NLGN1: variants seen among roughly 807,000 people sequenced by gnomAD.
NLGN1 encodes neuroligin 1.
Under a neutral mutation model 65.5 loss-of-function variants are expected in NLGN1, and 12 were observed. That is an observed-to-expected ratio of 0.18 (90% CI 0.12 to 0.30). NLGN1 has a LOEUF of 0.30. Ranked by LOEUF, NLGN1 falls within the 10% of genes least tolerant of loss-of-function variation. The pLI is 1.00. For missense variants in NLGN1, 750 were observed against 1,007.1 expected (o/e 0.74, Z 3.46); for synonymous variants, 350 against 359.5 (o/e 0.97, Z 0.30).
intron 4 of NLGN1, among the ~76,000 whole-genome samples, chr3:173,944,124 G>GTGT (rs34721217): frequency 1.4e-5 from 2 of 139,512 alleles, no homozygotes; most frequent in African/African-American, 2.7e-5. Context: ...TAATATTATG[G>GTGT]GTGTGTGTGT....
At chr3:174,062,883 T>C (rs1737716008) in intron 4 of NLGN1, among the ~76,000 whole-genome samples, 1 of 152,114 alleles carries the variant, frequency 6.6e-6, no homozygotes, top group African/African-American at 2.4e-5. Context: ...ATATTACATT[T>C]ATTATTTTCT....
At position 173,992,294 on chromosome 3, in the gene NLGN1, C is replaced by A. The variant is rs1721281317; in HGVS notation, c.646+184462C>A. 2.0e-5 allele frequency among the ~76,000 whole-genome samples: 3 copies of A among 152,050 alleles called. No individual in the cohort carries two copies. The South Asian group carries it at 6.2e-4, about 32-fold the overall frequency. On this transcript the variant is annotated intron_variant, in intron 4 of 6. Coordinates refer to ENST00000457714, the Ensembl canonical transcript of NLGN1. ...TTTACTTTATTTCATTTTTCAAAATCTGGTAGTGATCCACTAAAATGTGTC... is the reference window on the plus strand; with the variant it reads ...TTTACTTTATTTCATTTTTCAAAATATGGTAGTGATCCACTAAAATGTGTC...
In NLGN1 at chr3:174,280,420, G is replaced by A. The variant is rs1577794815; in HGVS notation, c.1650-61G>A. On this transcript the variant is annotated intron_variant, in intron 6 of 6. Coordinates refer to ENST00000457714, the Ensembl canonical transcript of NLGN1. This position sits in a 1 kb window ranked among gnomAD's most constrained non-coding sequence, Gnocchi z 4.9. The stretch of plus-strand genomic sequence containing the variant: ...TATTTAATTATTAGATGTTAAAGTA[G>A]TGTGATTTTAAGTAAAAAATAAAAT... 2 of 1,119,216 alleles carry A rather than the reference G, an allele frequency of 1.8e-6. No homozygotes were observed. Among genetic ancestry groups the A allele is most frequent in the Non-Finnish European group, 2.6e-6 (2 of 781,036 alleles). The allele number at this position is 1,119,216 out of a possible 1,614,324, so 69.3% of individuals were successfully genotyped here.
chr3:173,519,152 T>C (rs1206263860), intron 2 of NLGN1, among the ~76,000 whole-genome samples: 3 of 152,198 alleles, frequency 2.0e-5, no homozygotes, highest in Non-Finnish European at 4.4e-5. Context: ...CAGAGTCCAA[T>C]AGTTGAGTCT....
chr3:173,945,855 T>C (rs919831478), intron 4 of NLGN1, among the ~76,000 whole-genome samples: 1 of 152,192 alleles, frequency 6.6e-6, no homozygotes, highest in African/African-American at 2.4e-5. Context: ...GTTGCATTTG[T>C]AAAGAAAGGA....
rs1381690208 is a variant in NLGN1 at position 174,279,168 on chromosome 3, A to G, written c.1167A>G (p.Gln389=). The change falls in exon 6 of 7, where the codon CAA becomes CAG. Residue 389 remains glutamine, a synonymous_variant. Transcript: ENST00000457714. This position sits in a 1 kb window ranked among gnomAD's most constrained non-coding sequence, Gnocchi z 4.7. ...ATGATATAATGTTAGGAGTGAACCA[A>G]GGGGAAGGGTTAAAATTTGTTGAAA... is the stretch of plus-strand genomic sequence containing the variant. 6.2e-7 allele frequency: 1 copy of G among 1,613,262 alleles called. No homozygotes were observed. Among genetic ancestry groups the G allele is most frequent in the African/African-American group, 1.3e-5 (1 of 74,844 alleles).
At chr3:173,589,354 C>T (rs1748048397) in intron 2 of NLGN1, among the ~76,000 whole-genome samples, 1 of 152,102 alleles carries the variant, frequency 6.6e-6, no homozygotes, top group African/African-American at 2.4e-5. Flanking sequence ...ATTAGAGCTA[C>T]CTGCTGAGGC....
At chr3:173,467,236 A>G (rs1190323946) in intron 2 of NLGN1, among the ~76,000 whole-genome samples, 2 of 152,012 alleles carry the variant, frequency 1.3e-5, no homozygotes, top group Non-Finnish European at 2.9e-5. Context: ...TGTTTTTTAA[A>G]TGGCAGTACT....
chr3:173,553,051 G>C (rs1175559626), intron 2 of NLGN1, among the ~76,000 whole-genome samples: 6 of 152,128 alleles, frequency 3.9e-5, no homozygotes, highest in Non-Finnish European at 7.4e-5. Context: ...AGGTAATTCA[G>C]TGCACATTAA....
At chr3:173,536,933 A>G (rs1737530937) in intron 2 of NLGN1, among the ~76,000 whole-genome samples, 1 of 152,196 alleles carries the variant, frequency 6.6e-6, no homozygotes, top group African/African-American at 2.4e-5. Context: ...CCAATGGTGT[A>G]ATTTCCAGTC....
intron 4 of NLGN1, among the ~76,000 whole-genome samples, chr3:174,163,299 T>G (rs1726907961): frequency 6.6e-6 from 1 of 152,070 alleles, no homozygotes; most frequent in South Asian, 2.1e-4. Flanking sequence ...ACTTAATTTC[T>G]CTCATTGAAC....
At chr3:173,732,770 T>G (rs1408063778) in intron 3 of NLGN1, among the ~76,000 whole-genome samples, 3 of 152,144 alleles carry the variant, frequency 2.0e-5, no homozygotes, top group Non-Finnish European at 4.4e-5. Context: ...GTGAGTCATT[T>G]CTACAAGCCT....
intron 2 of NLGN1, among the ~76,000 whole-genome samples, chr3:173,442,705 T>A (rs1350617825): frequency 6.6e-6 from 1 of 152,216 alleles, no homozygotes; most frequent in East Asian, 1.9e-4. Context: ...TGATTAATTC[T>A]ATTAATCAGA....
exon 7 of NLGN1, chr3:174,281,378 C>T: frequency 1.1e-6 from 1 of 890,326 alleles, no homozygotes; most frequent in Admixed American, 2.6e-5. Context: ...GGCTTTCAAC[C>T]TACAAGACTT....
At chr3:174,019,608 T>TA (rs1727323959) in intron 4 of NLGN1, among the ~76,000 whole-genome samples, 1 of 152,266 alleles carries the variant, frequency 6.6e-6, no homozygotes, top group South Asian at 2.1e-4. Context: ...AAAATATAGT[T>TA]AGAGACAGGT....
intron 4 of NLGN1, among the ~76,000 whole-genome samples, chr3:174,226,308 C>T (rs1424639239): frequency 6.6e-6 from 1 of 152,102 alleles, no homozygotes; most frequent in East Asian, 1.9e-4. Context: ...TTACCCACCA[C>T]CCCTGGTTAT....
intron 1 of NLGN1, among the ~76,000 whole-genome samples, chr3:173,400,142 T>G (rs947408757): frequency 1.3e-5 from 2 of 152,208 alleles, no homozygotes; most frequent in East Asian, 1.9e-4. Flanking sequence ...GAAGTGAAGT[T>G]TGCAGTCGGT....
chr3:173,497,816 A>G lies in NLGN1; in HGVS notation c.-321+62738A>G, dbSNP rs77178940. ...TTTTAATGTTTGCCTTAATATAATT[A>G]TCTTTATTGACTATGACAGTTATTT... On this transcript the variant is annotated intron_variant, in intron 2 of 6. Coordinates refer to ENST00000457714, the Ensembl canonical transcript of NLGN1. Among the ~76,000 whole-genome samples the G allele has an allele frequency of 3.9e-3, 593 of 152,046 alleles. 6 individuals carry two copies. The highest frequency in any genetic ancestry group is 0.014 in the Middle Eastern group (4 of 294).
chr3:173,969,370 G>A (rs879586043), intron 4 of NLGN1, among the ~76,000 whole-genome samples: 4 of 151,880 alleles, frequency 2.6e-5, no homozygotes, highest in Non-Finnish European at 4.4e-5. Context: ...TCTACAAAGG[G>A]TATTAAAGTA....
Sources: allele counts gnomAD v4.1 joint callset (sites outside exome capture counted in the v4.1 genomes callset), GRCh38; gene constraint gnomAD v4.1.1; non-coding constraint Gnocchi (gnomAD v3.1); transcripts MANE v1.5; gene names NCBI Gene and HGNC (gene_info 2026-07-23, HGNC 2026-07-21).